BYSL: variants seen among roughly 807,000 people sequenced by gnomAD.
BYSL encodes the protein bystin like.
BYSL carries 21 observed loss-of-function variants against 45.4 expected under a neutral mutation model. The observed-to-expected ratio is 0.46, with a 90% CI of 0.33 to 0.67. The LOEUF is 0.67. Ranked by LOEUF, BYSL falls within the 30% of genes least tolerant of loss-of-function variation. The probability of loss-of-function intolerance (pLI) is 0.02; values close to 1 mark genes in which losing one functional copy is unlikely to be tolerated. For synonymous variants in BYSL, 215 were observed against 231.3 expected, an observed-to-expected ratio of 0.93 and a Z score of 0.64; for missense variants, 522 against 578.5, an observed-to-expected ratio of 0.90 and a Z score of 1.00.
At chr6:41,925,509 G>A (rs1199669795) in intron 1 of BYSL, among the ~76,000 whole-genome samples, 3 of 149,944 alleles carry the variant, frequency 2.0e-5, no homozygotes, top group Non-Finnish European at 4.4e-5. Flanking sequence ...GACTACAGGC[G>A]CCCGCCACCA....
the BYSL span, among the ~76,000 whole-genome samples, chr6:41,910,887 T>A: frequency 6.6e-6 from 1 of 151,682 alleles, no homozygotes; most frequent in Non-Finnish European, 1.5e-5. Flanking sequence ...GGTGGGTGGA[T>A]CACTTGAGGT....
chr6:41,928,799 A>G (rs1365626958), intron 2 of BYSL, among the ~76,000 whole-genome samples: 1 of 152,180 alleles, frequency 6.6e-6, no homozygotes, highest in Non-Finnish European at 1.5e-5. Flanking sequence ...GCCTTGGGTG[A>G]GTTATTAACC....
At chr6:41,928,860 C>T (rs974618172) in intron 2 of BYSL, among the ~76,000 whole-genome samples, 3 of 152,124 alleles carry the variant, frequency 2.0e-5, no homozygotes, top group South Asian at 2.1e-4. Flanking sequence ...ATAAGTGTTG[C>T]GCTGACTCTA....
In BYSL at chr6:41,931,565, C is replaced by A; in HGVS notation, c.865+9C>A. The A allele has an allele frequency of 5.0e-6, 8 of 1,614,132 alleles. No individual in the cohort carries two copies. The highest frequency in any genetic ancestry group is 6.8e-6 in the Non-Finnish European group (8 of 1,180,012). ...TGGAGCCTGGTTCAAAGGTGGGATC[C>A]CAGAGGCACGGAAGAAAGGGAAGGG... is the stretch of plus-strand genomic sequence containing the variant. On this transcript the variant is annotated intron_variant, in intron 5 of 6. Coordinates refer to ENST00000230340, the MANE Select transcript of BYSL (RefSeq NM_004053.4).
At chr6:41,916,226 G>C in the BYSL span, among the ~76,000 whole-genome samples, 1 of 151,674 alleles carries the variant, frequency 6.6e-6, no homozygotes, top group East Asian at 1.9e-4. Context: ...ACTCCAGCCT[G>C]GGAGACTGAG....
chr6:41,930,454 G>T, intron 3 of BYSL, 181 bp from the exon 4 acceptor site: 1 of 1,211,674 alleles, frequency 8.3e-7, no homozygotes, highest in Non-Finnish European at 1.1e-6. Flanking sequence ...TGGCATCCTT[G>T]GGTCGGTTAC....
At chr6:41,918,871 C>G (rs1183749572), upstream of BYSL, among the ~76,000 whole-genome samples, 10 of 146,636 alleles carry the variant, frequency 6.8e-5, no homozygotes, top group Admixed American at 1.4e-4. Context: ...GGCGTGAACC[C>G]GGGAAGCGGA....
chr6:41,912,352 CTTT>C, the BYSL span, among the ~76,000 whole-genome samples: 106 of 87,622 alleles, frequency 1.2e-3, no homozygotes, highest in Middle Eastern at 5.8e-3. Context: ...GACCATAGTA[CTTT>C]TTTTTTTTTT....
intron 1 of BYSL, 34 bp from the exon 2 acceptor site, chr6:41,927,340 G>C: frequency 6.2e-7 from 1 of 1,610,048 alleles, no homozygotes; most frequent in Non-Finnish European, 8.5e-7. Flanking sequence ...GCTACCTTTT[G>C]CTGTGCTCAT....
upstream of BYSL, chr6:41,916,743 C>G (rs148885656): frequency 2.3e-4 from 376 of 1,609,162 alleles, 3 homozygotes; most frequent in African/African-American, 4.5e-3. Flanking sequence ...TCTCTTAACT[C>G]CAAGCCTGGT....
chr6:41,909,557 C>G, the BYSL span: 1 of 1,604,772 alleles, frequency 6.2e-7, no homozygotes, highest in Non-Finnish European at 8.5e-7. Context: ...ATCATCAAGA[C>G]TTTCACTGGC....
At chr6:41,916,972 C>T (rs1339330705), upstream of BYSL, 1 of 1,612,146 alleles carries the variant, frequency 6.2e-7, no homozygotes, top group East Asian at 2.2e-5. Context: ...GTCAGTTATC[C>T]AGAGACACAC....
Position 41,926,895 on chromosome 6 carries a change from A to C in BYSL, c.269-479A>C, listed in dbSNP as rs1775571197. ...CGGATCACGAGGTCAAGAGATCGAG[A>C]CCATTCTGGTCAACATGGTGAAACC... is the stretch of plus-strand genomic sequence containing the variant. On this transcript the variant is annotated intron_variant, in intron 1 of 6. Transcript: ENST00000230340. 2.0e-5 allele frequency among the ~76,000 whole-genome samples: 3 copies of C among 150,954 alleles called. No homozygotes were observed. In the South Asian group the frequency reaches 6.4e-4, roughly 32 times the overall value.
chr6:41,923,850 C>A lies in BYSL; in HGVS notation c.268+2020C>A, dbSNP rs1206977565. ...CTCTTCTACTGCTTTCCTCTTTGCC[C>A]ATTCCACTCCACCTATTTAGGCTTC... On this transcript the variant is annotated intron_variant, in intron 1 of 6. Coordinates refer to ENST00000230340, the MANE Select transcript of BYSL (RefSeq NM_004053.4). Among the ~76,000 whole-genome samples the A allele has an allele frequency of 2.6e-5, 4 of 152,180 alleles. No homozygotes were observed. The East Asian group carries it at 7.7e-4, about 29-fold the overall frequency.
chr6:41,916,709 G>GA (rs1486698910), upstream of BYSL: 1 of 1,554,642 alleles, frequency 6.4e-7, no homozygotes, highest in Non-Finnish European at 8.8e-7. Context: ...CAGAAAAGCA[G>GA]AAAGACTTCA....
upstream of BYSL, chr6:41,921,095 G>C: frequency 6.4e-7 from 1 of 1,574,770 alleles, no homozygotes; most frequent in Non-Finnish European, 8.7e-7. Flanking sequence ...AACTCCTTCA[G>C]TTCCCCAACA....
chr6:41,910,134 C>G, the BYSL span, among the ~76,000 whole-genome samples: 1 of 152,122 alleles, frequency 6.6e-6, no homozygotes, highest in South Asian at 2.1e-4. Flanking sequence ...AATGGCAAAC[C>G]GTTGGAGAAT....
At chr6:41,926,736 A>G (rs1411650934) in intron 1 of BYSL, among the ~76,000 whole-genome samples, 1 of 150,158 alleles carries the variant, frequency 6.7e-6, no homozygotes, top group African/African-American at 2.4e-5. Context: ...GGCGTGAGCC[A>G]CCGTGCCCGG....
At chr6:41,925,042 A>G (rs577677160) in intron 1 of BYSL, among the ~76,000 whole-genome samples, 1 of 152,006 alleles carries the variant, frequency 6.6e-6, no homozygotes, top group Admixed American at 6.5e-5. Context: ...TAGACCTAGG[A>G]GGGAAAGAAA....
Sources: allele counts gnomAD v4.1 joint callset (sites outside exome capture counted in the v4.1 genomes callset), GRCh38; gene constraint gnomAD v4.1.1; transcripts MANE v1.5; gene names NCBI Gene and HGNC (gene_info 2026-07-23, HGNC 2026-07-21).